Variants in ARHGAP20 observed in about 807,000 individuals in gnomAD.
ARHGAP20 encodes rho GTPase-activating protein 20.
ARHGAP20 carries 34 observed loss-of-function variants against 73.7 expected under a neutral mutation model. That is an observed-to-expected ratio of 0.46 (90% CI 0.35 to 0.61). ARHGAP20 has a LOEUF of 0.61. Among genes scored for constraint, ARHGAP20 ranks in the 20% least tolerant of loss-of-function variants. ARHGAP20 has a pLI of 0.00. For missense variants in ARHGAP20, 1,314 were observed against 1,420.9 expected (o/e 0.92, Z 1.21); for synonymous variants, 523 against 518.2 (o/e 1.01, Z -0.13).
At chr11:110,606,923 T>A (rs998344132) in intron 8 of ARHGAP20, among the ~76,000 whole-genome samples, 174 bp from the exon 9 acceptor site, 1 of 152,120 alleles carries the variant, frequency 6.6e-6, no homozygotes, top group African/African-American at 2.4e-5. Context: ...ATGCAGGTGG[T>A]CCTACCAAAG....
intron 1 of ARHGAP20, among the ~76,000 whole-genome samples, chr11:110,699,557 A>G (rs1406516482): frequency 6.6e-6 from 1 of 151,902 alleles, no homozygotes; most frequent in Non-Finnish European, 1.5e-5. Context: ...GTGTAGTAGT[A>G]TTTGTTTTAT....
chr11:110,658,780 A>ATTGTTTTGTTTTGTT (rs60691263), intron 2 of ARHGAP20, among the ~76,000 whole-genome samples: 10,372 of 151,204 alleles, frequency 0.069, 384 homozygotes, highest in Middle Eastern at 0.095. Context: ...GTTGTTATTT[A>ATTGTTTTGTTTTGTT]TTGTTTTGTT....
chr11:110,589,878 T>C (rs905948984), intron 11 of ARHGAP20, among the ~76,000 whole-genome samples: 15 of 152,174 alleles, frequency 9.9e-5, no homozygotes, highest in African/African-American at 3.4e-4. Context: ...CCCAGCTCTC[T>C]GGGAGGCTGA....
intron 4 of ARHGAP20, among the ~76,000 whole-genome samples, chr11:110,617,950 G>C (rs1429957540): frequency 6.6e-6 from 1 of 152,162 alleles, no homozygotes; most frequent in Non-Finnish European, 1.5e-5. Flanking sequence ...TCATCACTGA[G>C]AGTGAGCCGG....
Position 110,601,017 on chromosome 11 carries a change from G to A in ARHGAP20, c.964+5544C>T, listed in dbSNP as rs866147282. ...GGATATTTTCTGAAAGCTAATTAGA[G>A]AAAGCTTTATATTTAGTTTAAAAAT... On this transcript the variant is annotated intron_variant, in intron 9 of 14. Coordinates refer to ENST00000683387, the MANE Select transcript of ARHGAP20 (RefSeq NM_001384657.1). 3.3e-5 allele frequency among the ~76,000 whole-genome samples: 5 copies of A among 152,206 alleles called. No individual in the cohort carries two copies. In the South Asian group the frequency reaches 8.3e-4, roughly 25 times the overall value.
In ARHGAP20 at chr11:110,630,777, AG is replaced by A. The variant is rs1565448328; in HGVS notation, c.203del (p.Ala68ValfsTer12). ...KRPTTRDSPSASVDTCTFLSS... is the reference protein window; with the variant it reads ...KRPTTRDSPSXSVDTCTFLSS... ...ACAGAAATGTGCATGTGTCAACACT[AG>A]CAGAAGGACTGTCCCTGTAACAGAT... On this transcript the variant is annotated frameshift_variant, in exon 3 of 15. Coordinates refer to ENST00000683387, the MANE Select transcript of ARHGAP20 (RefSeq NM_001384657.1). LOFTEE classifies it high-confidence loss of function. 6.2e-7 allele frequency: 1 copy of A among 1,614,006 alleles called. No homozygotes were observed. The highest frequency in any genetic ancestry group is 8.5e-7 in the Non-Finnish European group (1 of 1,179,912).
chr11:110,630,808 T>C lies in ARHGAP20; in HGVS notation c.189-16A>G, dbSNP rs188567723. ...AGGACTGTCCCTGTAACAGATCAAA[T>C]GCCACAGATCAGTCAAACGATCATC... On this transcript the variant is annotated splice_polypyrimidine_tract_variant and intron_variant, in intron 2 of 14. Coordinates refer to ENST00000683387, the MANE Select transcript of ARHGAP20 (RefSeq NM_001384657.1). 27 of 1,609,276 alleles carry C rather than the reference T, an allele frequency of 1.7e-5. No individual in the cohort carries two copies. In the East Asian group the frequency reaches 5.8e-4, roughly 35 times the overall value.
chr11:110,669,592 C>T (rs985460084), intron 2 of ARHGAP20, among the ~76,000 whole-genome samples: 5 of 151,814 alleles, frequency 3.3e-5, no homozygotes, highest in African/African-American at 1.2e-4. Flanking sequence ...CAGGGGAACA[C>T]AAATTAAAAC....
chr11:110,687,592 ATCAGTAGT>A (rs1950161915), intron 2 of ARHGAP20, among the ~76,000 whole-genome samples: 1 of 152,168 alleles, frequency 6.6e-6, no homozygotes, highest in Non-Finnish European at 1.5e-5. Context: ...CTTCATCTGT[ATCAGTAGT>A]TCTTGATTCT....
At chr11:110,662,475 A>T (rs1949636643) in intron 2 of ARHGAP20, among the ~76,000 whole-genome samples, 1 of 151,946 alleles carries the variant, frequency 6.6e-6, no homozygotes, top group African/African-American at 2.4e-5. Flanking sequence ...TACCGTAAAG[A>T]TAGTTGCCAA....
Position 110,577,364 on chromosome 11 carries a change from A to T in ARHGAP20, c.*2006T>A. ...ACAAACTATTCACATTAAGAATTAC[A>T]GGAGTATCTAAGGGAACACAGATAG... On this transcript the variant is annotated 3_prime_UTR_variant, in exon 15 of 15. Coordinates refer to ENST00000683387, the MANE Select transcript of ARHGAP20 (RefSeq NM_001384657.1). 1 of 1,220,112 alleles carries T rather than the reference A, an allele frequency of 8.2e-7. No individual in the cohort carries two copies. Among genetic ancestry groups the T allele is most frequent in the Non-Finnish European group, 1.0e-6 (1 of 979,546 alleles). The allele number at this position is 1,220,112 out of a possible 1,614,324, so 75.6% of individuals were successfully genotyped here.
Position 110,578,357 on chromosome 11 carries a change from A to G in ARHGAP20, c.*1013T>C, listed in dbSNP as rs1021134183. On this transcript the variant is annotated 3_prime_UTR_variant, in exon 15 of 15. Transcript: ENST00000683387. Reference sequence around the variant, plus strand: ...TGCTCTCTCAATTGCCAAACTACAAAAATCAGAAAAGGGATGATTTATAAG... The same window carrying G: ...TGCTCTCTCAATTGCCAAACTACAAGAATCAGAAAAGGGATGATTTATAAG... The G allele has an allele frequency of 1.0e-6, 1 of 985,320 alleles. No individual in the cohort carries two copies. Among genetic ancestry groups the G allele is most frequent in the Non-Finnish European group, 1.2e-6 (1 of 829,948 alleles). The allele number at this position is 985,320 out of a possible 1,614,324, so 61.0% of individuals were successfully genotyped here. A position where few individuals can be genotyped will look rare whatever the true frequency, so the allele number is the denominator to read the frequency against.
chr11:110,667,375 A>G (rs961548320), intron 2 of ARHGAP20, among the ~76,000 whole-genome samples: 11 of 152,214 alleles, frequency 7.2e-5, no homozygotes, highest in Admixed American at 2.0e-4. Context: ...TTGGAGCAAC[A>G]AAGTGTGGGT....
intron 2 of ARHGAP20, among the ~76,000 whole-genome samples, chr11:110,632,866 A>G (rs1948887752): frequency 6.6e-6 from 1 of 152,136 alleles, no homozygotes; most frequent in African/African-American, 2.4e-5. Flanking sequence ...GAACTTTTTC[A>G]TGTATCCTAG....
intron 9 of ARHGAP20, among the ~76,000 whole-genome samples, chr11:110,605,574 G>C (rs1324512438): frequency 6.6e-6 from 1 of 152,168 alleles, no homozygotes; most frequent in African/African-American, 2.4e-5. Context: ...AGTTTAGATA[G>C]CTACATACAA....
At chr11:110,584,164 G>T (rs1159796572) in intron 12 of ARHGAP20, among the ~76,000 whole-genome samples, 8 of 152,178 alleles carry the variant, frequency 5.3e-5, no homozygotes, top group African/African-American at 1.7e-4. Context: ...CAGAAATGCT[G>T]TCTCTTGGTA....
intron 12 of ARHGAP20, among the ~76,000 whole-genome samples, chr11:110,584,951 ATGAATATATG>A (rs1555082390): frequency 5.3e-5 from 5 of 93,786 alleles, no homozygotes; most frequent in African/African-American, 1.6e-4. Context: ...ATATGAATAT[ATGAATATATG>A]TGAATATATG....
chr11:110,712,386 C>G lies in ARHGAP20; in HGVS notation c.-155G>C. ...CGGGTGCTCGCCGCGCGCCTCCCGTCGGGGCCATGTACCTCCGCCTGCGCT... is the reference window on the plus strand; with the variant it reads ...CGGGTGCTCGCCGCGCGCCTCCCGTGGGGGCCATGTACCTCCGCCTGCGCT... On this transcript the variant is annotated 5_prime_UTR_variant, in exon 1 of 15. Transcript: ENST00000683387. 2.2e-6 allele frequency: 1 copy of G among 459,664 alleles called. No individual in the cohort carries two copies. The highest frequency in any genetic ancestry group is 3.5e-6 in the Non-Finnish European group (1 of 286,954). The allele number at this position is 459,664 out of a possible 1,614,324, so 28.5% of individuals were successfully genotyped here.
chr11:110,630,594 TA>T (rs1384282789), intron 3 of ARHGAP20, 33 bp downstream of exon 3: 15 of 1,587,966 alleles, frequency 9.4e-6, no homozygotes, highest in Non-Finnish European at 1.3e-5. Context: ...AGTGCAATTT[TA>T]TAATGATAAT....
Sources: allele counts gnomAD v4.1 joint callset (sites outside exome capture counted in the v4.1 genomes callset), GRCh38; gene constraint gnomAD v4.1.1; transcripts MANE v1.5; gene names NCBI Gene and HGNC (gene_info 2026-07-23, HGNC 2026-07-21).